NUP133: variants seen among roughly 807,000 people sequenced by gnomAD.
The protein encoded by NUP133 is nucleoporin 133.
NUP133 carries 66 observed loss-of-function variants against 146.2 expected under a neutral mutation model. The ratio of observed to expected loss-of-function variants is 0.45; its 90% CI spans 0.37 to 0.55. NUP133 has a LOEUF of 0.55. NUP133 is among the 20% of genes least tolerant of loss of function. The pLI is 0.00. For synonymous variants in NUP133, 521 were observed against 498.8 expected (o/e 1.04, Z -0.59); for missense variants, 1,277 against 1,374.8 (o/e 0.93, Z 1.12).
chr1:229,508,254 C>G lies in NUP133; in HGVS notation c.-5G>C. The G allele has an allele frequency of 1.3e-6, 2 of 1,507,438 alleles. No homozygotes were observed. Among genetic ancestry groups the G allele is most frequent in the East Asian group, 5.1e-5 (2 of 38,950 alleles). The allele number at this position is 1,507,438 out of a possible 1,614,324, so 93.4% of individuals were successfully genotyped here. ...AGAAGGGGCGGCTGGGAACATGACTCCAAGGAGCAGCGACTAGGACAGCGA... is the reference window on the plus strand; with the variant it reads ...AGAAGGGGCGGCTGGGAACATGACTGCAAGGAGCAGCGACTAGGACAGCGA... On this transcript the variant is annotated 5_prime_UTR_variant, in exon 1 of 26. Transcript: ENST00000261396.
intron 2 of NUP133, among the ~76,000 whole-genome samples, chr1:229,505,344 A>G (rs1661906577): frequency 6.6e-6 from 1 of 152,020 alleles, no homozygotes; most frequent in African/African-American, 2.4e-5. Flanking sequence ...TAATTTATAA[A>G]CTAAAGTTTA....
At chr1:229,486,806 A>AT (rs1488368667) in intron 10 of NUP133, among the ~76,000 whole-genome samples, 1 of 151,932 alleles carries the variant, frequency 6.6e-6, no homozygotes, top group Non-Finnish European at 1.5e-5. Flanking sequence ...AAAAAAGAAA[A>AT]TTATTCCTTC....
chr1:229,448,442 A>T (rs957742064), intron 24 of NUP133, among the ~76,000 whole-genome samples: 1 of 152,150 alleles, frequency 6.6e-6, no homozygotes, highest in Non-Finnish European at 1.5e-5. Context: ...ATAAAAAAAT[A>T]AAAAAATAAA....
chr1:229,490,401 TAA>T (rs201590753), intron 8 of NUP133, among the ~76,000 whole-genome samples: 1,456 of 127,344 alleles, frequency 0.011, 22 homozygotes, highest in African/African-American at 0.036. Flanking sequence ...TATTCAGTAG[TAA>T]AAAAAAAAAA....
chr1:229,472,707 C>CATATATATATATATATATATATATATAT lies in NUP133; in HGVS notation c.1852-1904_1852-1903insATATATATATATATATATATATATATAT, dbSNP rs372362492. Among the ~76,000 whole-genome samples, 701 of 123,762 alleles carry CATATATATATATATATATATATATATAT rather than the reference C, an allele frequency of 5.7e-3. 11 individuals carry two copies. Among genetic ancestry groups the CATATATATATATATATATATATATATAT allele is most frequent in the Middle Eastern group, 0.014 (3 of 222 alleles). The allele number at this position is 123,762 out of a possible 152,430, so 81.2% of individuals were successfully genotyped here. A position where few individuals can be genotyped will look rare whatever the true frequency, so the allele number is the denominator to read the frequency against. ...CAAAAAAATTAAAAAACTAAATATA[C>CATATATATATATATATATATATATATAT]ATATATATATATATATATATGTACA... On this transcript the variant is annotated intron_variant, in intron 14 of 25. Coordinates refer to ENST00000261396, the MANE Select transcript of NUP133 (RefSeq NM_018230.3).
chr1:229,503,687 G>T (rs1157012091), intron 2 of NUP133, among the ~76,000 whole-genome samples: 1 of 152,198 alleles, frequency 6.6e-6, no homozygotes, highest in Admixed American at 6.5e-5. Context: ...TTGCTCAACT[G>T]AACTATCTGC....
In NUP133 at chr1:229,484,064, G is replaced by A; in HGVS notation, c.1582C>T (p.Gln528Ter). 2 of 1,608,584 alleles carry A rather than the reference G, an allele frequency of 1.2e-6. No individual in the cohort carries two copies. The highest frequency in any genetic ancestry group is 8.5e-7 in the Non-Finnish European group (1 of 1,175,488). ...AAAAACATGTTATACCTGCAGTATT[G>A]CAGAAAGGCAGCTTTCAGCAACTTG... ...KIKLLKAAFL[Q>*]YCRKDLGHAQ... The change falls in exon 12 of 26, where the codon CAA becomes TAA. Residue 528 changes from glutamine to a stop codon, truncating the protein, a stop_gained. Transcript: ENST00000261396. LOFTEE classifies it high-confidence loss of function.
chr1:229,489,984 C>A lies in NUP133; in HGVS notation c.1165G>T (p.Glu389Ter). The change falls in exon 9 of 26, where the codon GAA becomes TAA. Residue 389 changes from glutamate (E) to a stop codon, truncating the protein, a stop_gained. Coordinates refer to ENST00000261396, the MANE Select transcript of NUP133 (RefSeq NM_018230.3). LOFTEE classifies it high-confidence loss of function. ...GCQMSDAVTV[E>*]VTQYNPPFQS... is the part of the protein sequence containing the mutation. Reference sequence around the variant, plus strand: ...AAAGGTGGATTATATTGAGTGACTTCTACAGTAACTGCATCTGACATTTGG... The same window carrying A: ...AAAGGTGGATTATATTGAGTGACTTATACAGTAACTGCATCTGACATTTGG... The A allele has an allele frequency of 6.2e-7, 1 of 1,608,702 alleles. No homozygotes were observed. The highest frequency in any genetic ancestry group is 1.7e-5 in the Admixed American group (1 of 59,280).
In NUP133 at chr1:229,508,160, C is replaced by G; in HGVS notation, c.90G>C (p.Arg30=). The part of the protein sequence containing the change: ...LAGLGPGSTP[R]TASRKGLPLG... ...GGGGCAGACCCTTCCTGCTAGCCGT[C>G]CGGGGCGTGGAGCCGGGCCCGAGTC... The change falls in exon 1 of 26, where the codon CGG becomes CGC. Residue 30 remains arginine, a synonymous_variant. Transcript: ENST00000261396. 1 of 1,595,208 alleles carries G rather than the reference C, an allele frequency of 6.3e-7. No homozygotes were observed. The highest frequency in any genetic ancestry group is 8.5e-7 in the Non-Finnish European group (1 of 1,172,406).
At chr1:229,466,480 T>C (rs1420074665) in intron 16 of NUP133, among the ~76,000 whole-genome samples, 154 bp downstream of exon 16, 2 of 152,248 alleles carry the variant, frequency 1.3e-5, no homozygotes, top group Admixed American at 6.5e-5. Flanking sequence ...AGCTGATTAA[T>C]AATAAAATGA....
intron 22 of NUP133, among the ~76,000 whole-genome samples, chr1:229,451,983 G>T (rs1460081028): frequency 6.6e-6 from 1 of 152,162 alleles, no homozygotes; most frequent in Non-Finnish European, 1.5e-5. Context: ...TGGCTAAAAT[G>T]CTAATGTATT....
Position 229,499,802 on chromosome 1 carries a change from A to C in NUP133, c.530T>G (p.Val177Gly). The C allele has an allele frequency of 6.2e-7, 1 of 1,613,766 alleles. No individual in the cohort carries two copies. The highest frequency in any genetic ancestry group is 1.1e-5 in the South Asian group (1 of 91,044). ...AHSTQAVAVMVATREGSIRYW... is the reference protein window; with the variant it reads ...AHSTQAVAVMGATREGSIRYW... ...GCGGATAGATCCTTCTCTGGTGGCAACCATGACAGCAACAGCCTCAAAACA... is the reference window on the plus strand; with the variant it reads ...GCGGATAGATCCTTCTCTGGTGGCACCCATGACAGCAACAGCCTCAAAACA... The change falls in exon 5 of 26, where the codon GTT (valine) becomes GGT (glycine). Residue 177 changes from valine to glycine, a missense_variant. By Grantham distance (109) the Val-to-Gly change is moderately radical. This residue lies in a region of NUP133 where 319 missense variants were observed against 306.9 expected (regional missense o/e 1.04). Transcript: ENST00000261396.
In NUP133 at chr1:229,501,863, A is replaced by G. The variant is rs994661850; in HGVS notation, c.405+136T>C. 12 of 624,920 alleles carry G rather than the reference A, an allele frequency of 1.9e-5. No individual in the cohort carries two copies. The Admixed American group carries it at 2.9e-4, about 15-fold the overall frequency. The allele number at this position is 624,920 out of a possible 1,614,324, so 38.7% of individuals were successfully genotyped here. A position where few individuals can be genotyped will look rare whatever the true frequency, so the allele number is the denominator to read the frequency against. ...TGCATGCTCATTATTTCACATCACT[A>G]TGAAAATGCAAACTCTTAATGCCTA... On this transcript the variant is annotated intron_variant, in intron 3 of 25. Coordinates refer to ENST00000261396, the MANE Select transcript of NUP133 (RefSeq NM_018230.3).
At chr1:229,470,127 C>T (rs906208894) in intron 15 of NUP133, among the ~76,000 whole-genome samples, 4 of 152,014 alleles carry the variant, frequency 2.6e-5, no homozygotes, top group African/African-American at 4.8e-5. Flanking sequence ...GAGGCTGAGG[C>T]GAGTGGATCA....
At chr1:229,459,081 G>T (rs1660635254) in intron 20 of NUP133, among the ~76,000 whole-genome samples, 1 of 152,098 alleles carries the variant, frequency 6.6e-6, no homozygotes, top group Non-Finnish European at 1.5e-5. Flanking sequence ...TATGTGATGT[G>T]GAATGATTAA....
Position 229,486,401 on chromosome 1 carries a change from TAA to T in NUP133, c.1468_1469del (p.Leu490SerfsTer10). Reference sequence around the variant, plus strand: ...TGTTTGGTCCAGCAACTGAAGATGCTAAAGACCCTTCCAAGTCTTCTGCCAAT... The same window carrying T: ...TGTTTGGTCCAGCAACTGAAGATGCTAGACCCTTCCAAGTCTTCTGCCAAT... ...SILAEDLEGSLASSVAGPNSE... is the reference protein window; with the variant it reads ...SILAEDLEGSXASSVAGPNSE... On this transcript the variant is annotated frameshift_variant, in exon 11 of 26. Transcript: ENST00000261396. LOFTEE classifies it high-confidence loss of function. 1.9e-6 allele frequency: 3 copies of T among 1,603,360 alleles called. No homozygotes were observed. The highest frequency in any genetic ancestry group is 2.5e-6 in the Non-Finnish European group (3 of 1,177,672).
chr1:229,484,062 T>C lies in NUP133; in HGVS notation c.1584A>G (p.Gln528=). 6.2e-7 allele frequency: 1 copy of C among 1,607,282 alleles called. No individual in the cohort carries two copies. Among genetic ancestry groups the C allele is most frequent in the Non-Finnish European group, 8.5e-7 (1 of 1,174,146 alleles). ...TAAAAAACATGTTATACCTGCAGTA[T>C]TGCAGAAAGGCAGCTTTCAGCAACT... ...KIKLLKAAFL[Q]YCRKDLGHAQ... is the part of the protein sequence containing the mutation. The change falls in exon 12 of 26, where the codon CAA becomes CAG. Residue 528 remains glutamine (Q), a synonymous_variant. Coordinates refer to ENST00000261396, the MANE Select transcript of NUP133 (RefSeq NM_018230.3).
intron 19 of NUP133, among the ~76,000 whole-genome samples, chr1:229,462,509 T>C (rs1266720365): frequency 2.0e-5 from 3 of 152,140 alleles, no homozygotes; most frequent in African/African-American, 7.2e-5. Context: ...ACTGACTGAA[T>C]AGACTGGCTT....
intron 24 of NUP133, chr1:229,448,921 G>T: frequency 1.8e-6 from 1 of 558,860 alleles, no homozygotes; most frequent in Non-Finnish European, 3.1e-6. Flanking sequence ...CTCAACCTGT[G>T]GTTGTAGATT....
Sources: allele counts gnomAD v4.1 joint callset (sites outside exome capture counted in the v4.1 genomes callset), GRCh38; gene constraint gnomAD v4.1.1; regional missense constraint gnomAD v4.1.1; transcripts MANE v1.5; gene names NCBI Gene and HGNC (gene_info 2026-07-23, HGNC 2026-07-21).